TJP1: variants seen among roughly 807,000 people sequenced by gnomAD.
TJP1 encodes the protein tight junction protein 1.
A neutral mutation model predicts 194.2 loss-of-function variants in TJP1; 43 were observed. The observed-to-expected ratio is 0.22, with a 90% CI of 0.17 to 0.29. The LOEUF is 0.29. Among genes scored for constraint, TJP1 ranks in the 10% least tolerant of loss-of-function variants. TJP1 has a pLI of 1.00. For missense variants in TJP1, 1,971 were observed against 2,185.7 expected (o/e 0.90, Z 1.96); for synonymous variants, 801 against 779.0 (o/e 1.03, Z -0.47).
intron 2 of TJP1, among the ~76,000 whole-genome samples, chr15:29,909,669 C>T (rs115984546): frequency 0.014 from 2,125 of 152,162 alleles, 52 homozygotes; most frequent in African/African-American, 0.048. Flanking sequence ...TGTGCAAAGA[C>T]CTGCTGCAGC....
Position 29,880,355 on chromosome 15 carries a change from T to A in TJP1, c.306+75877A>T, listed in dbSNP as rs753439144. On this transcript the variant is annotated intron_variant, in intron 2 of 28. Coordinates refer to the TJP1 transcript ENST00000356107. ...GTGTGTAATTTGATGAATTTGGACA[T>A]ACGCAAACATCTATGATACTATCCC... 6.6e-5 allele frequency among the ~76,000 whole-genome samples: 10 copies of A among 152,342 alleles called. No homozygotes were observed. In the South Asian group the frequency reaches 1.9e-3, roughly 28 times the overall value.
chr15:29,791,488 T>C (rs1048483325), intron 2 of TJP1, among the ~76,000 whole-genome samples: 1 of 133,620 alleles, frequency 7.5e-6, no homozygotes, highest in African/African-American at 2.8e-5. Context: ...TGCAGCAATC[T>C]AGGCTCACTC....
At chr15:29,870,279 AG>A (rs1334919333) in intron 2 of TJP1, among the ~76,000 whole-genome samples, 4 of 152,344 alleles carry the variant, frequency 2.6e-5, no homozygotes, top group African/African-American at 9.6e-5. Flanking sequence ...GGTTAAAGAC[AG>A]GATGGAATCA....
chr15:29,765,172 A>G (rs1441774472), intron 5 of TJP1, among the ~76,000 whole-genome samples: 2 of 152,158 alleles, frequency 1.3e-5, no homozygotes, highest in African/African-American at 4.8e-5. Flanking sequence ...AGACTGAAAA[A>G]CTTCCACTAG....
chr15:29,955,022 G>C (rs2055885452), intron 2 of TJP1, among the ~76,000 whole-genome samples: 1 of 152,044 alleles, frequency 6.6e-6, no homozygotes, highest in African/African-American at 2.4e-5. Context: ...AGAGGTTGCA[G>C]TGAGCCGAGA....
chr15:29,867,885 A>C (rs930984304), intron 2 of TJP1, among the ~76,000 whole-genome samples: 1 of 152,068 alleles, frequency 6.6e-6, no homozygotes, highest in South Asian at 2.1e-4. Context: ...GCAAGACCTT[A>C]TCTCTACAAA....
chr15:29,826,153 T>A (rs868064261), upstream of TJP1, among the ~76,000 whole-genome samples: 322 of 84,028 alleles, frequency 3.8e-3, no homozygotes, highest in Admixed American at 8.2e-3. Flanking sequence ...TTTTTTTTTT[T>A]AAAAAGAAGA....
intron 2 of TJP1, among the ~76,000 whole-genome samples, chr15:29,830,628 A>C (rs1409008834): frequency 1.3e-5 from 2 of 151,858 alleles, no homozygotes; most frequent in East Asian, 3.9e-4. Context: ...ACAAGTATAA[A>C]ATAAAAAAAG....
At chr15:29,909,391 C>T (rs1431487272) in intron 2 of TJP1, among the ~76,000 whole-genome samples, 2 of 146,866 alleles carry the variant, frequency 1.4e-5, no homozygotes, top group Non-Finnish European at 3.0e-5. Context: ...CATTTTTAAA[C>T]TTCCAGCTAT....
chr15:29,903,486 C>G (rs186015512), intron 2 of TJP1, among the ~76,000 whole-genome samples: 7 of 152,116 alleles, frequency 4.6e-5, no homozygotes, highest in Non-Finnish European at 8.8e-5. Context: ...GCTCTGTCGC[C>G]CAGGCTGGAG....
intron 15 of TJP1, chr15:29,730,686 C>CACCTA (rs1311483374): frequency 1.3e-6 from 1 of 749,720 alleles, no homozygotes; most frequent in African/African-American, 1.7e-5. Context: ...CCACGTCCAG[C>CACCTA]ACCTACGTCC....
rs1371425705 is a variant in TJP1 at position 29,716,651 on chromosome 15, G to T, written c.4162C>A (p.His1388Asn). The T allele has an allele frequency of 6.2e-7, 1 of 1,613,752 alleles. No individual in the cohort carries two copies. Residue 1388 changes from histidine (H) to asparagine (N), a missense_variant, in exon 23 of 28, where the codon CAT becomes AAT. Transcript: ENST00000614355. Reference protein sequence around the residue: ...SHLSEPAKPAHSQNQSNFSSY... With the variant: ...SHLSEPAKPANSQNQSNFSSY... ...GAAAAATTTGATTGATTCTGAGAAT[G>T]CGCTGGCTTTGCAGGCTCGGAGAGA...
Position 29,868,139 on chromosome 15 carries a change from G to A in TJP1, c.307-67437C>T, listed in dbSNP as rs111436193. On this transcript the variant is annotated intron_variant, in intron 2 of 28. Transcript: ENST00000356107. Reference sequence around the variant, plus strand: ...ACTCAGAGGCTGAGGTGGAATGATCGTTTGAGCCTATAAGTTCAAAGTTAT... The same window carrying A: ...ACTCAGAGGCTGAGGTGGAATGATCATTTGAGCCTATAAGTTCAAAGTTAT... 2.9e-3 allele frequency among the ~76,000 whole-genome samples: 443 copies of A among 151,966 alleles called. 1 individual carries two copies. Among genetic ancestry groups the A allele is most frequent in the Middle Eastern group, 6.9e-3 (2 of 290 alleles).
rs1595561625 is a variant in TJP1, at chr15:29,708,467, A to G, written c.4850+92T>C. The G allele has an allele frequency of 1.4e-5, 15 of 1,036,056 alleles. 1 individual carries two copies. The East Asian group carries it at 3.1e-4, about 21-fold the overall frequency. The allele number at this position is 1,036,056 out of a possible 1,614,324, so 64.2% of individuals were successfully genotyped here. ...TCAGTTTAAAGGTTGAGTTAAAAAG[A>G]TCACTTTAAAGTCCCAAGTCAAATA... On this transcript the variant is annotated intron_variant, in intron 25 of 27. Transcript: ENST00000614355.
intron 2 of TJP1, among the ~76,000 whole-genome samples, chr15:29,915,389 A>T (rs1436368444): frequency 6.6e-6 from 1 of 152,128 alleles, no homozygotes; most frequent in African/African-American, 2.4e-5. Flanking sequence ...TGATTCCCCA[A>T]TTCCTCTTCT....
intron 8 of TJP1, among the ~76,000 whole-genome samples, chr15:29,758,671 C>A (rs2045803598): frequency 6.6e-6 from 1 of 152,106 alleles, no homozygotes; most frequent in Non-Finnish European, 1.5e-5. Flanking sequence ...ACAGCTGCTC[C>A]CGTGAATCAT....
chr15:29,862,875 C>A (rs969431545), intron 2 of TJP1, among the ~76,000 whole-genome samples: 5 of 151,002 alleles, frequency 3.3e-5, no homozygotes, highest in Non-Finnish European at 7.4e-5. Flanking sequence ...GTCGCGATCT[C>A]CTGACTTCGT....
In TJP1 at chr15:29,719,100, C is replaced by T. The variant is rs1304578171; in HGVS notation, c.3042G>A (p.Arg1014=). ...CTGGCTGTTTCAAAACATGGTTCTG[C>T]CTCATCATTTCCTCGGGATATGGAT... ...RKDPYPEEMM[R]QNHVLKQPAV... The change falls in exon 21 of 28, where the codon AGG becomes AGA. Residue 1014 remains arginine (R), a synonymous_variant. Coordinates refer to ENST00000614355, the MANE Select transcript of TJP1 (RefSeq NM_001330239.4). 2 of 1,613,678 alleles carry T rather than the reference C, an allele frequency of 1.2e-6. No homozygotes were observed. The highest frequency in any genetic ancestry group is 1.7e-6 in the Non-Finnish European group (2 of 1,179,904).
chr15:29,747,047 GGC>G (rs1328245297), intron 8 of TJP1, among the ~76,000 whole-genome samples: 1 of 152,168 alleles, frequency 6.6e-6, no homozygotes. Flanking sequence ...CACTTTGGGA[GGC>G]CGAGGTCGGT....
Sources: gnomAD v4.1 joint callset for allele counts (sites outside exome capture counted in the v4.1 genomes callset) on GRCh38, gnomAD v4.1.1 for gene constraint, MANE v1.5 for transcripts, NCBI Gene and HGNC (gene_info 2026-07-23, HGNC 2026-07-21) for gene names.